The following ZDHHC13 variants were observed in gnomAD, a reference collection of about 807,000 sequenced individuals.
ZDHHC13 encodes the protein palmitoyltransferase ZDHHC13.
Under a neutral mutation model 86.0 loss-of-function variants are expected in ZDHHC13, and 85 were observed. That is an observed-to-expected ratio of 0.99 (90% CI 0.83 to 1.18). ZDHHC13 has a LOEUF of 1.18. Ranked by LOEUF, ZDHHC13 falls within the 50% of genes most tolerant of loss-of-function variation. The pLI, the probability that ZDHHC13 is intolerant of heterozygous loss-of-function variation, is 0.00. For missense variants in ZDHHC13, 711 were observed against 730.2 expected, an observed-to-expected ratio of 0.97 and a Z score of 0.30; for synonymous variants, 263 against 246.4, an observed-to-expected ratio of 1.07 and a Z score of -0.63.
Position 19,160,478 on chromosome 11 carries a change from C to T in ZDHHC13, c.1108+1438C>T, listed in dbSNP as rs79313014. Among the ~76,000 whole-genome samples the T allele has an allele frequency of 1.1e-3, 173 of 151,942 alleles. 5 individuals carry two copies. The highest frequency in any genetic ancestry group is 4.0e-3 in the African/African-American group (166 of 41,304). ...ACAAAATCACTTGCAGAAGACCTAA[C>T]GCTCATAAATTCTAGGGTAATTGAC... is the stretch of plus-strand genomic sequence containing the variant. On this transcript the variant is annotated intron_variant, in intron 10 of 16. Coordinates refer to ENST00000446113, the MANE Select transcript of ZDHHC13 (RefSeq NM_019028.3).
intron 9 of ZDHHC13, among the ~76,000 whole-genome samples, chr11:19,158,024 A>AT (rs796317556): frequency 8.3e-4 from 126 of 152,186 alleles, no homozygotes; most frequent in African/African-American, 2.7e-3. Context: ...GGTCAAATGC[A>AT]TTTTTTGCTG....
At position 19,152,790 on chromosome 11, in the gene ZDHHC13, A is replaced by T. The variant is rs566769941; in HGVS notation, c.873+106A>T. On this transcript the variant is annotated intron_variant, in intron 8 of 16. Transcript: ENST00000446113. The stretch of plus-strand genomic sequence containing the variant: ...AACCAGAGAGTTGGCTTTTTGCTGC[A>T]TTATATCTGCTGACTATATCTTTCC... 19 of 1,534,656 alleles carry T rather than the reference A, an allele frequency of 1.2e-5. No homozygotes were observed. In the Admixed American group the frequency reaches 1.6e-4, roughly 13 times the overall value.
At chr11:19,173,681 C>T (rs1056136458) in intron 16 of ZDHHC13, among the ~76,000 whole-genome samples, 1 of 152,118 alleles carries the variant, frequency 6.6e-6, no homozygotes, top group African/African-American at 2.4e-5. Context: ...TGGAAAGGAG[C>T]GTAAACTTGT....
chr11:19,150,371 A>G (rs1849575660), intron 5 of ZDHHC13, among the ~76,000 whole-genome samples: 1 of 152,160 alleles, frequency 6.6e-6, no homozygotes, highest in African/African-American at 2.4e-5. Context: ...TGTATAAGAA[A>G]TGATAATGCG....
chr11:19,150,892 A>T (rs567875448), intron 6 of ZDHHC13, 101 bp downstream of exon 6: 2 of 1,009,072 alleles, frequency 2.0e-6, no homozygotes, highest in South Asian at 4.2e-5. Flanking sequence ...ATGATAGTAC[A>T]TTGAAGAAAA....
intron 1 of ZDHHC13, among the ~76,000 whole-genome samples, chr11:19,140,473 G>A (rs1666558560): frequency 6.6e-6 from 1 of 152,190 alleles, no homozygotes; most frequent in Non-Finnish European, 1.5e-5. Context: ...TGGTGGGACT[G>A]TAAACTAGTT....
At chr11:19,166,414 A>G (rs1304874193) in intron 14 of ZDHHC13, 29 bp downstream of exon 14, 2 of 1,528,540 alleles carry the variant, frequency 1.3e-6, no homozygotes, top group Non-Finnish European at 1.8e-6. Context: ...TACAACAAGC[A>G]CATACATCTA....
chr11:19,139,341 G>A lies in ZDHHC13; in HGVS notation c.28-3637G>A, dbSNP rs567964975. Among the ~76,000 whole-genome samples, 3 of 152,112 alleles carry A rather than the reference G, an allele frequency of 2.0e-5. No homozygotes were observed. The South Asian group carries it at 6.2e-4, about 32-fold the overall frequency. ...TGCTTCAAAGAGAAGAAAATACCTA[G>A]CAATCCAACTTACAAGGGATGTGAA... On this transcript the variant is annotated intron_variant, in intron 1 of 16. Transcript: ENST00000446113.
intron 6 of ZDHHC13, among the ~76,000 whole-genome samples, chr11:19,151,586 A>T (rs1454270999): frequency 6.6e-6 from 1 of 152,090 alleles, no homozygotes; most frequent in Non-Finnish European, 1.5e-5. Context: ...GAATAAATAA[A>T]GTAGAATATT....
rs1850073973 is a variant in ZDHHC13 at position 19,166,505 on chromosome 11, C to G, written c.1474+120C>G. On this transcript the variant is annotated intron_variant, in intron 14 of 16. Coordinates refer to ENST00000446113, the MANE Select transcript of ZDHHC13 (RefSeq NM_019028.3). ...CTATAAACCATACTCCTAATAAAAA[C>G]AAAGCAAATGCCTCTAAGACTCCCT... 5.6e-6 allele frequency: 4 copies of G among 709,686 alleles called. No homozygotes were observed. The East Asian group carries it at 1.2e-4, about 21-fold the overall frequency. 44.0% of individuals were successfully genotyped at this position (709,686 alleles called of 1,614,324 possible).
intron 14 of ZDHHC13, chr11:19,168,029 G>A (rs984875415): frequency 3.9e-5 from 6 of 152,230 alleles, no homozygotes; most frequent in Non-Finnish European, 7.3e-5. Flanking sequence ...TGCCCAGGCT[G>A]GTTTCAAGCT....
intron 1 of ZDHHC13, among the ~76,000 whole-genome samples, chr11:19,137,532 C>T (rs1297271646): frequency 2.6e-5 from 4 of 151,438 alleles, no homozygotes; most frequent in African/African-American, 7.3e-5. Flanking sequence ...AACAAGGATA[C>T]CCAGGAATTG....
chr11:19,138,595 G>C (rs1340228357), intron 1 of ZDHHC13, among the ~76,000 whole-genome samples: 3 of 151,730 alleles, frequency 2.0e-5, no homozygotes, highest in Non-Finnish European at 2.9e-5. Flanking sequence ...CCAAAGCCGG[G>C]CAGAGACACA....
At chr11:19,150,206 A>G (rs776353934) in intron 5 of ZDHHC13, among the ~76,000 whole-genome samples, 1 of 151,980 alleles carries the variant, frequency 6.6e-6, no homozygotes, top group Non-Finnish European at 1.5e-5. Flanking sequence ...TGGAAATATG[A>G]TTTCCTTTTT....
intron 10 of ZDHHC13, among the ~76,000 whole-genome samples, chr11:19,159,321 T>A (rs1202907047): frequency 6.6e-6 from 1 of 152,038 alleles, no homozygotes; most frequent in Non-Finnish European, 1.5e-5. Flanking sequence ...TTTGTTGGAT[T>A]GTCTTGAGAT....
intron 1 of ZDHHC13, among the ~76,000 whole-genome samples, chr11:19,123,588 A>G (rs1848803265): frequency 6.6e-6 from 1 of 152,204 alleles, no homozygotes; most frequent in Non-Finnish European, 1.5e-5. Context: ...ATAGGGCTGT[A>G]GTGAGATTTG....
intron 1 of ZDHHC13, among the ~76,000 whole-genome samples, chr11:19,130,909 G>A (rs1848985261): frequency 6.6e-6 from 1 of 151,680 alleles, no homozygotes; most frequent in Non-Finnish European, 1.5e-5. Context: ...ACAGTGGCGC[G>A]ATATCGGCTC....
chr11:19,117,335 G>A lies in ZDHHC13; in HGVS notation c.27+59G>A. On this transcript the variant is annotated intron_variant, in intron 1 of 16. Transcript: ENST00000446113. The surrounding 1 kb of genome is among the most constrained non-coding windows in gnomAD (Gnocchi z 4.2). ...CCGGGAGAGCGGCTGCAGCTGTGGA[G>A]GAAAGGATGGTGTGGGTGAGAGGCC... 7.0e-7 allele frequency: 1 copy of A among 1,427,020 alleles called. No homozygotes were observed. The highest frequency in any genetic ancestry group is 9.2e-7 in the Non-Finnish European group (1 of 1,089,708). The allele number at this position is 1,427,020 out of a possible 1,614,324, so 88.4% of individuals were successfully genotyped here.
At chr11:19,132,442 A>C (rs530874038) in intron 1 of ZDHHC13, among the ~76,000 whole-genome samples, 1 of 152,352 alleles carries the variant, frequency 6.6e-6, no homozygotes, top group East Asian at 1.9e-4. Context: ...TATAAACTCC[A>C]GTAATTGTTC....
Sources: gnomAD v4.1 joint callset for allele counts (sites outside exome capture counted in the v4.1 genomes callset) on GRCh38, gnomAD v4.1.1 for gene constraint, Gnocchi (gnomAD v3.1) non-coding constraint, MANE v1.5 for transcripts, NCBI Gene and HGNC (gene_info 2026-07-23, HGNC 2026-07-21) for gene names.